Variants in PRKD1 observed in about 807,000 individuals in gnomAD.
PRKD1 encodes the protein serine/threonine-protein kinase D1.
A neutral mutation model predicts 95.9 loss-of-function variants in PRKD1; 63 were observed. The observed-to-expected ratio is 0.66, with a 90% confidence interval of 0.54 to 0.81. PRKD1 has a LOEUF of 0.81. PRKD1 is among the 30% of genes least tolerant of loss of function. The pLI is 0.00. For missense variants in PRKD1, 1,048 were observed against 1,165.3 expected, an observed-to-expected ratio of 0.90 and a Z score of 1.47; for synonymous variants, 425 against 423.1, an observed-to-expected ratio of 1.00 and a Z score of -0.05.
intron 1 of PRKD1, 71 bp from the exon 2 acceptor site, chr14:29,725,745 G>C: frequency 1.3e-6 from 2 of 1,506,340 alleles, no homozygotes; most frequent in Non-Finnish European, 1.8e-6. Context: ...AATATTTCAG[G>C]GCACAAATAC....
intron 1 of PRKD1, among the ~76,000 whole-genome samples, chr14:29,902,484 T>C (rs1440561758): frequency 6.6e-6 from 1 of 152,280 alleles, no homozygotes; most frequent in East Asian, 1.9e-4. Flanking sequence ...ATAATTTCCT[T>C]TAGAAGGTAT....
intron 4 of PRKD1, among the ~76,000 whole-genome samples, chr14:29,643,781 A>C (rs1880952709): frequency 6.6e-6 from 1 of 152,246 alleles, no homozygotes; most frequent in Non-Finnish European, 1.5e-5. Context: ...TGCGTAAAAA[A>C]TCAAACATAA....
At chr14:29,653,772 G>C (rs1434595401) in intron 4 of PRKD1, among the ~76,000 whole-genome samples, 1 of 152,092 alleles carries the variant, frequency 6.6e-6, no homozygotes, top group Non-Finnish European at 1.5e-5. Context: ...CAGATTAATA[G>C]AGGATAACAG....
chr14:29,737,559 A>C (rs1886789807), intron 1 of PRKD1, among the ~76,000 whole-genome samples: 1 of 152,154 alleles, frequency 6.6e-6, no homozygotes, highest in African/African-American at 2.4e-5. Flanking sequence ...TTAATGAGCA[A>C]AGAAATTTAA....
At chr14:29,703,886 C>A (rs1196087817) in intron 2 of PRKD1, among the ~76,000 whole-genome samples, 2 of 152,152 alleles carry the variant, frequency 1.3e-5, no homozygotes, top group African/African-American at 4.8e-5. Context: ...TTCACATGGC[C>A]TCTCACAAAC....
intron 16 of PRKD1, among the ~76,000 whole-genome samples, chr14:29,579,352 A>T (rs951074276): frequency 3.3e-5 from 5 of 151,994 alleles, no homozygotes; most frequent in South Asian, 2.1e-4. Context: ...AAATCTGCCA[A>T]CCTAATAGGA....
intron 4 of PRKD1, among the ~76,000 whole-genome samples, chr14:29,641,952 G>A (rs549323241): frequency 1.0e-4 from 13 of 129,950 alleles, no homozygotes; most frequent in Admixed American, 1.9e-4. Context: ...TGCCCAGGCT[G>A]CAGTGCAATG....
chr14:29,687,194 T>C (rs1257723125), intron 2 of PRKD1, among the ~76,000 whole-genome samples: 2 of 152,186 alleles, frequency 1.3e-5, no homozygotes, highest in African/African-American at 2.4e-5. Context: ...GAAAACACTC[T>C]CTAATCTCTT....
intron 1 of PRKD1, among the ~76,000 whole-genome samples, chr14:29,860,134 A>T (rs1429832296): frequency 2.6e-5 from 4 of 152,264 alleles, no homozygotes; most frequent in Non-Finnish European, 5.9e-5. Context: ...ACATGTGAAT[A>T]AATGTGCCAC....
chr14:29,578,420 A>G lies in PRKD1; in HGVS notation c.2435-60T>C, dbSNP rs1892639253. On this transcript the variant is annotated intron_variant, in intron 16 of 17. Transcript: ENST00000331968. Reference sequence around the variant, plus strand: ...TCTGTAACATATGCATAATTCATTTATAGTTTATTTCACATCTGCTATTTC... The same window carrying G: ...TCTGTAACATATGCATAATTCATTTGTAGTTTATTTCACATCTGCTATTTC... 4.7e-6 allele frequency: 6 copies of G among 1,290,090 alleles called. No homozygotes were observed. The South Asian group carries it at 6.5e-5, about 14-fold the overall frequency. The allele number at this position is 1,290,090 out of a possible 1,614,324, so 79.9% of individuals were successfully genotyped here.
chr14:29,878,134 A>G lies in PRKD1; in HGVS notation c.264+49115T>C, dbSNP rs562305093. 2.0e-5 allele frequency among the ~76,000 whole-genome samples: 3 copies of G among 152,230 alleles called. No homozygotes were observed. The East Asian group carries it at 5.8e-4, about 29-fold the overall frequency. ...GGACACAAACAGATGAACAACAGACACTGGAGCCTACTTAAGGGTGGAGGG... is the reference window on the plus strand; with the variant it reads ...GGACACAAACAGATGAACAACAGACGCTGGAGCCTACTTAAGGGTGGAGGG... On this transcript the variant is annotated intron_variant, in intron 1 of 17. Transcript: ENST00000331968.
At chr14:29,907,535 C>T (rs565355881) in intron 1 of PRKD1, among the ~76,000 whole-genome samples, 52 of 152,188 alleles carry the variant, frequency 3.4e-4, no homozygotes, top group African/African-American at 9.4e-4. Context: ...GGTGTTTATA[C>T]TCTCGTGTGA....
chr14:29,821,203 A>G (rs1269413782), intron 1 of PRKD1, among the ~76,000 whole-genome samples: 1 of 152,220 alleles, frequency 6.6e-6, no homozygotes, highest in Non-Finnish European at 1.5e-5. Context: ...AATTAAATAC[A>G]TGACTGTGTT....
chr14:29,693,691 T>C (rs1406231991), intron 2 of PRKD1, among the ~76,000 whole-genome samples: 1 of 147,622 alleles, frequency 6.8e-6, no homozygotes, highest in Non-Finnish European at 1.5e-5. Flanking sequence ...AATCCTGGTA[T>C]CATTACAATA....
chr14:29,599,827 A>G lies in PRKD1; in HGVS notation c.1906-10T>C, dbSNP rs1566477236. On this transcript the variant is annotated splice_polypyrimidine_tract_variant and intron_variant, in intron 13 of 17. Coordinates refer to ENST00000331968, the MANE Select transcript of PRKD1 (RefSeq NM_002742.3). ...CAGGGTGATGAAGGTTCTATTAAAGATAAATAAAGCACTTGAAGAAAATGA... is the reference window on the plus strand; with the variant it reads ...CAGGGTGATGAAGGTTCTATTAAAGGTAAATAAAGCACTTGAAGAAAATGA... 1 of 1,599,860 alleles carries G rather than the reference A, an allele frequency of 6.3e-7. No homozygotes were observed. The highest frequency in any genetic ancestry group is 1.1e-5 in the South Asian group (1 of 88,188).
chr14:29,702,709 A>C (rs2139331144), intron 2 of PRKD1, among the ~76,000 whole-genome samples: 1 of 152,164 alleles, frequency 6.6e-6, no homozygotes, highest in East Asian at 1.9e-4. Flanking sequence ...TAATTCCCTT[A>C]TTTTATTGTT....
At chr14:29,813,098 G>A (rs547230743) in intron 1 of PRKD1, among the ~76,000 whole-genome samples, 40 of 152,144 alleles carry the variant, frequency 2.6e-4, no homozygotes, top group Admixed American at 4.6e-4. Context: ...CAACAGGAGC[G>A]AAACTCTGTC....
chr14:29,612,804 A>G lies in PRKD1; in HGVS notation c.1905+11348T>C, dbSNP rs564677704. 6.6e-5 allele frequency among the ~76,000 whole-genome samples: 10 copies of G among 152,342 alleles called. No individual in the cohort carries two copies. In the East Asian group the frequency reaches 1.3e-3, roughly 21 times the overall value. Reference sequence around the variant, plus strand: ...GTCTTGCCTATAGAAATAGTTTCATAAAAATTCATGTAGGGCGGGCACGGT... The same window carrying G: ...GTCTTGCCTATAGAAATAGTTTCATGAAAATTCATGTAGGGCGGGCACGGT... On this transcript the variant is annotated intron_variant, in intron 13 of 17. Coordinates refer to ENST00000331968, the MANE Select transcript of PRKD1 (RefSeq NM_002742.3).
chr14:29,850,453 A>AACACACAC (rs57312847), intron 1 of PRKD1, among the ~76,000 whole-genome samples: 44 of 147,912 alleles, frequency 3.0e-4, no homozygotes, highest in Admixed American at 6.8e-4. Flanking sequence ...CCCCATTCAA[A>AACACACAC]ACACACACAC....
Sources: allele counts gnomAD v4.1 joint callset (sites outside exome capture counted in the v4.1 genomes callset), GRCh38; gene constraint gnomAD v4.1.1; transcripts MANE v1.5; gene names NCBI Gene and HGNC (gene_info 2026-07-23, HGNC 2026-07-21).